MTUS1: variants seen among roughly 807,000 people sequenced by gnomAD.
MTUS1 encodes the protein microtubule associated scaffold protein 1, also known as microtubule-associated tumor suppressor 1.
In MTUS1, 109 loss-of-function variants were observed where a neutral mutation model predicts 120.8. That is an observed-to-expected ratio of 0.90 (90% CI 0.77 to 1.06). The LOEUF is 1.06. Ranked by LOEUF, MTUS1 falls within the 50% of genes least tolerant of loss-of-function variation. The pLI is 0.00. For synonymous variants in MTUS1, 737 were observed against 550.5 expected (o/e 1.34, Z -4.74); for missense variants, 2,210 against 1,486.3 (o/e 1.49, Z -8.01).
chr8:17,719,436 T>C (rs1822975116), intron 4 of MTUS1, among the ~76,000 whole-genome samples: 1 of 152,162 alleles, frequency 6.6e-6, no homozygotes, highest in Non-Finnish European at 1.5e-5. Flanking sequence ...AACTATATAA[T>C]AACAAGAATG....
intron 4 of MTUS1, among the ~76,000 whole-genome samples, chr8:17,717,054 A>C (rs1822476037): frequency 6.6e-6 from 1 of 152,200 alleles, no homozygotes; most frequent in Non-Finnish European, 1.5e-5. Flanking sequence ...AGGCTAACCT[A>C]TTCCAACTGC....
At chr8:17,670,778 G>C (rs1284226596) in intron 8 of MTUS1, among the ~76,000 whole-genome samples, 1 of 151,806 alleles carries the variant, frequency 6.6e-6, no homozygotes, top group Non-Finnish European at 1.5e-5. Context: ...AGCCGAGATA[G>C]TGCCAGTGCA....
At chr8:17,738,306 T>A (rs927669220) in intron 3 of MTUS1, among the ~76,000 whole-genome samples, 10 of 152,170 alleles carry the variant, frequency 6.6e-5, no homozygotes, top group African/African-American at 1.7e-4. Context: ...GCACTCTCCC[T>A]CCTCAGCTCA....
chr8:17,739,494 CATAA>C (rs112250178), intron 3 of MTUS1, among the ~76,000 whole-genome samples: 3,069 of 151,910 alleles, frequency 0.02, 29 homozygotes, highest in South Asian at 0.03. Context: ...AACTCCATCT[CATAA>C]ATAAATAAAT....
intron 1 of MTUS1, among the ~76,000 whole-genome samples, chr8:17,763,049 T>C (rs554482973): frequency 1.3e-5 from 2 of 151,636 alleles, no homozygotes; most frequent in African/African-American, 4.8e-5. Context: ...TGGAGTGTAA[T>C]GGCGCAATCT....
At position 17,743,739 on chromosome 8, in the gene MTUS1, C is replaced by G. The variant is rs200171947; in HGVS notation, c.2152G>C (p.Gly718Arg). Reference sequence around the variant, plus strand: ...TTTGGAGCAGCTATTTGCCTCAAACCGCAGGAGTCAGGCTTGGATATATTC... The same window carrying G: ...TTTGGAGCAGCTATTTGCCTCAAACGGCAGGAGTCAGGCTTGGATATATTC... ...GRNISKPDSCGLRQIAAPKAK... is the reference protein window; with the variant it reads ...GRNISKPDSCRLRQIAAPKAK... The change falls in exon 3 of 15, where the codon GGT (glycine) becomes CGT (arginine). Residue 718 changes from glycine (G) to arginine (R), a missense_variant. Coordinates refer to ENST00000693296, the MANE Select transcript of MTUS1 (RefSeq NM_001363059.2). The G allele has an allele frequency of 6.2e-7, 1 of 1,614,092 alleles. No homozygotes were observed. Among genetic ancestry groups the G allele is most frequent in the Non-Finnish European group, 8.5e-7 (1 of 1,180,028 alleles).
Position 17,755,917 on chromosome 8 carries a change from G to C in MTUS1, c.-110C>G, listed in dbSNP as rs954789957. On this transcript the variant is annotated 5_prime_UTR_variant, in exon 2 of 15. Transcript: ENST00000693296. ...CTAGGTTTTTCAGCACAGTTGAAAG[G>C]TTTTCAGTCTAAGATGCTCTGAAGA... The C allele has an allele frequency of 8.8e-6, 13 of 1,471,228 alleles. No individual in the cohort carries two copies. In the African/African-American group the frequency reaches 1.1e-4, roughly 13 times the overall value. The allele number at this position is 1,471,228 out of a possible 1,614,324, so 91.1% of individuals were successfully genotyped here. A position where few individuals can be genotyped will look rare whatever the true frequency, so the allele number is the denominator to read the frequency against.
chr8:17,706,364 A>C (rs4335165), intron 6 of MTUS1, among the ~76,000 whole-genome samples: 1 of 151,934 alleles, frequency 6.6e-6, no homozygotes, highest in African/African-American at 2.4e-5. Context: ...AATAGAAAGC[A>C]GCAGGACGAA....
At chr8:17,731,338 T>G (rs1012733882) in intron 3 of MTUS1, among the ~76,000 whole-genome samples, 1 of 152,210 alleles carries the variant, frequency 6.6e-6, no homozygotes, top group Non-Finnish European at 1.5e-5. Context: ...CACTTCTGTT[T>G]TCTCATATGT....
intron 1 of MTUS1, among the ~76,000 whole-genome samples, chr8:17,776,678 CAAAAAAAAAAAAA>C (rs71215272): frequency 5.1e-4 from 28 of 55,180 alleles, no homozygotes; most frequent in East Asian, 2.3e-3. Context: ...GACTCTGTCT[CAAAAAAAAAAAAA>C]AAAAAAAAAA....
intron 1 of MTUS1, among the ~76,000 whole-genome samples, chr8:17,783,877 C>G (rs897524510): frequency 1.3e-5 from 2 of 152,206 alleles, no homozygotes; most frequent in African/African-American, 4.8e-5. Context: ...CGGACCACCA[C>G]TCCAATTCCC....
chr8:17,800,680 G>A (rs1005229133), intron 1 of MTUS1: 3 of 152,338 alleles, frequency 2.0e-5, no homozygotes, highest in African/African-American at 7.2e-5. Flanking sequence ...AGGGGTCTTT[G>A]GGACCTGCAG....
Position 17,649,936 on chromosome 8 carries a change from TTC to T in MTUS1, c.3409_3410del (p.Glu1137ThrfsTer15). 6.2e-7 allele frequency: 1 copy of T among 1,607,512 alleles called. No homozygotes were observed. The highest frequency in any genetic ancestry group is 1.1e-5 in the South Asian group (1 of 90,952). ...CAGCTTTCAGGCTTTCTAACTCCTG[TTC>T]TAGATACATGATCTGAGGATTTTTC... ...NLKNPQIMYLEQELESLKAVL... is the reference protein window; with the variant it reads ...NLKNPQIMYLXQELESLKAVL... On this transcript the variant is annotated frameshift_variant, in exon 13 of 15. Transcript: ENST00000693296. LOFTEE classifies it high-confidence loss of function.
intron 7 of MTUS1, chr8:17,676,060 T>C: frequency 1.8e-6 from 1 of 566,914 alleles, no homozygotes. Context: ...AAAAAAAAAA[T>C]GAAGAATTTC....
intron 1 of MTUS1, among the ~76,000 whole-genome samples, chr8:17,759,284 G>A (rs1456737281): frequency 6.7e-6 from 1 of 148,234 alleles, no homozygotes. Context: ...TTTTTTTTGA[G>A]ACAAGGTCTC....
chr8:17,765,656 C>A (rs985420626), intron 1 of MTUS1, among the ~76,000 whole-genome samples: 3 of 141,568 alleles, frequency 2.1e-5, no homozygotes, highest in Non-Finnish European at 4.6e-5. Flanking sequence ...ATCTATACTT[C>A]ACCATCATTA....
intron 8 of MTUS1, among the ~76,000 whole-genome samples, chr8:17,665,645 G>C (rs1585519387): frequency 6.6e-6 from 1 of 152,076 alleles, no homozygotes; most frequent in East Asian, 1.9e-4. Context: ...ACTGGCTTGA[G>C]CCACTATGCC....
intron 2 of MTUS1, among the ~76,000 whole-genome samples, chr8:17,745,659 C>G (rs2131283796): frequency 6.6e-6 from 1 of 152,324 alleles, no homozygotes; most frequent in East Asian, 1.9e-4. Flanking sequence ...AAGTTAAATT[C>G]AAGCTAGTTT....
chr8:17,705,908 A>T (rs982993785), intron 6 of MTUS1: 13 of 152,232 alleles, frequency 8.5e-5, no homozygotes, highest in African/African-American at 3.1e-4. Flanking sequence ...GCTTTAGTGT[A>T]TGGTAGAACC....
Sources: gnomAD v4.1 joint callset for allele counts (sites outside exome capture counted in the v4.1 genomes callset) on GRCh38, gnomAD v4.1.1 for gene constraint, MANE v1.5 for transcripts, NCBI Gene and HGNC (gene_info 2026-07-23, HGNC 2026-07-21) for gene names.